The following SPAG9 variants were observed in gnomAD, a reference collection of about 807,000 sequenced individuals.
SPAG9 encodes C-Jun-amino-terminal kinase-interacting protein 4.
SPAG9 carries 35 observed loss-of-function variants against 166.5 expected under a neutral mutation model. The observed-to-expected ratio is 0.21, with a 90% CI of 0.16 to 0.28. The LOEUF (loss-of-function observed/expected upper bound fraction) is 0.28. Among genes scored for constraint, SPAG9 ranks in the 10% least tolerant of loss-of-function variants. The pLI is 1.00. For missense variants in SPAG9, 1,235 were observed against 1,603.3 expected, an observed-to-expected ratio of 0.77 and a Z score of 3.92; for synonymous variants, 534 against 565.5, an observed-to-expected ratio of 0.94 and a Z score of 0.79.
At chr17:50,981,074 G>A (rs927651913) in intron 25 of SPAG9, among the ~76,000 whole-genome samples, 4 of 152,096 alleles carry the variant, frequency 2.6e-5, no homozygotes, top group African/African-American at 7.2e-5. Context: ...TGTGTGTGAG[G>A]CACAGGCTGA....
intron 27 of SPAG9, 106 bp downstream of exon 27, chr17:50,977,002 T>C (rs1974253967): frequency 2.8e-6 from 2 of 705,158 alleles, no homozygotes. Context: ...AGCTAGATCT[T>C]TGCCATCACT....
At chr17:51,090,115 G>A (rs185821601) in intron 1 of SPAG9, among the ~76,000 whole-genome samples, 9 of 152,230 alleles carry the variant, frequency 5.9e-5, no homozygotes, top group Admixed American at 2.0e-4. Context: ...ATCATGGCAT[G>A]CCCAGGTAAC....
chr17:51,021,148 G>T lies in SPAG9; in HGVS notation c.991+10C>A. The stretch of plus-strand genomic sequence containing the variant: ...ACTTTCCTAGTAAGTAAAGAACTAG[G>T]GTCACTCACCAGTAGATACATTTCT... On this transcript the variant is annotated intron_variant, in intron 7 of 29. Transcript: ENST00000262013. The T allele has an allele frequency of 6.2e-7, 1 of 1,607,298 alleles. No homozygotes were observed. The highest frequency in any genetic ancestry group is 1.1e-5 in the South Asian group (1 of 90,902).
intron 2 of SPAG9, among the ~76,000 whole-genome samples, chr17:51,069,287 A>G (rs548977181): frequency 1.3e-5 from 2 of 152,078 alleles, no homozygotes; most frequent in Non-Finnish European, 2.9e-5. Context: ...GCCTATTGAC[A>G]TAGAACTAAA....
chr17:51,111,996 T>C (rs919368693), intron 1 of SPAG9, among the ~76,000 whole-genome samples: 15 of 152,004 alleles, frequency 9.9e-5, no homozygotes, highest in African/African-American at 3.4e-4. Context: ...TTCAGAAATC[T>C]CAAATTTAAA....
intron 9 of SPAG9, among the ~76,000 whole-genome samples, chr17:51,011,252 A>C (rs930050303): frequency 1.3e-5 from 2 of 151,818 alleles, no homozygotes; most frequent in African/African-American, 2.4e-5. Flanking sequence ...CCTTGAGCCT[A>C]GGAGTTCCAG....
chr17:51,064,796 G>A (rs919771807), intron 2 of SPAG9, among the ~76,000 whole-genome samples: 1 of 152,108 alleles, frequency 6.6e-6, no homozygotes, highest in African/African-American at 2.4e-5. Flanking sequence ...CTTGAAAATT[G>A]TACTAAAAAC....
intron 13 of SPAG9, among the ~76,000 whole-genome samples, chr17:51,000,387 T>C (rs1315959449): frequency 6.6e-6 from 1 of 152,196 alleles, no homozygotes; most frequent in Non-Finnish European, 1.5e-5. Flanking sequence ...AAGCTACTAT[T>C]TCCTTTAATT....
intron 2 of SPAG9, among the ~76,000 whole-genome samples, chr17:51,073,963 G>A (rs1331348707): frequency 6.6e-6 from 1 of 151,278 alleles, no homozygotes; most frequent in Non-Finnish European, 1.5e-5. Context: ...TAGGCCGGGC[G>A]TGGTGGCTCA....
chr17:51,085,959 A>ATTTTTTTTTTTTTTTT (rs34918673), intron 1 of SPAG9, among the ~76,000 whole-genome samples: 1 of 88,066 alleles, frequency 1.1e-5, no homozygotes, highest in African/African-American at 4.6e-5. Context: ...CTTGGAAATC[A>ATTTTTTTTTTTTTTTT]TTTTTTTTTT....
At chr17:51,095,022 G>A (rs956411770) in intron 1 of SPAG9, among the ~76,000 whole-genome samples, 3 of 152,148 alleles carry the variant, frequency 2.0e-5, no homozygotes, top group Middle Eastern at 3.4e-3. Flanking sequence ...CAGGCTGGGC[G>A]CGGTGGCTGA....
Position 51,022,943 on chromosome 17 carries a change from A to AAATAATAATAATAATAATAATAAT in SPAG9, c.784-1602_784-1579dup, listed in dbSNP as rs369538903. Among the ~76,000 whole-genome samples, 203 of 143,208 alleles carry AAATAATAATAATAATAATAATAAT rather than the reference A, an allele frequency of 1.4e-3. 2 individuals carry two copies. The highest frequency in any genetic ancestry group is 4.3e-3 in the African/African-American group (168 of 38,726). The allele number at this position is 143,208 out of a possible 152,430, so 94.0% of individuals were successfully genotyped here. On this transcript the variant is annotated intron_variant, in intron 6 of 29. Coordinates refer to ENST00000262013, the MANE Select transcript of SPAG9 (RefSeq NM_001130528.3). Reference sequence around the variant, plus strand: ...GCAACAAGAGTGAAACTCCATCTCAAAATAATAATAATAATAATAATAATA... The same window carrying AAATAATAATAATAATAATAATAAT: ...GCAACAAGAGTGAAACTCCATCTCAAAATAATAATAATAATAATAATAATAATAATAATAATAATAATAATAATA...
chr17:51,007,814 C>A (rs9902536), intron 9 of SPAG9: 10,475 of 452,832 alleles, frequency 0.023, 637 homozygotes, highest in African/African-American at 0.16. Context: ...AAAGATAGAA[C>A]CCCAAGGCAG....
rs1339737028 is a variant in SPAG9, at chr17:51,019,736, C to T, written c.1091+423G>A. Among the ~76,000 whole-genome samples the T allele has an allele frequency of 3.3e-5, 5 of 152,038 alleles. No homozygotes were observed. The East Asian group carries it at 9.6e-4, about 29-fold the overall frequency. On this transcript the variant is annotated intron_variant, in intron 8 of 29. Coordinates refer to ENST00000262013, the MANE Select transcript of SPAG9 (RefSeq NM_001130528.3). Reference sequence around the variant, plus strand: ...GCGTGGTGGCACATGTCTGTAATCCCAGCAACTAGGGAGGCTGAGGGAGGA... The same window carrying T: ...GCGTGGTGGCACATGTCTGTAATCCTAGCAACTAGGGAGGCTGAGGGAGGA...
intron 14 of SPAG9, 29 bp downstream of exon 14, chr17:50,999,632 G>A: frequency 1.9e-6 from 3 of 1,582,614 alleles, no homozygotes; most frequent in Non-Finnish European, 2.6e-6. Context: ...CTCATGTGCT[G>A]TCTAACATCT....
chr17:51,034,579 A>G (rs1289473302), intron 5 of SPAG9, among the ~76,000 whole-genome samples: 1 of 152,230 alleles, frequency 6.6e-6, no homozygotes, highest in Non-Finnish European at 1.5e-5. Context: ...AGCCCACAGA[A>G]TAATATATGT....
intron 26 of SPAG9, among the ~76,000 whole-genome samples, chr17:50,978,548 G>A (rs1318307393): frequency 6.6e-6 from 1 of 152,178 alleles, no homozygotes; most frequent in Admixed American, 6.5e-5. Context: ...CTTAGGGTCT[G>A]TAGGGGAGAG....
chr17:51,080,254 G>T (rs1480456337), intron 1 of SPAG9, among the ~76,000 whole-genome samples: 3 of 150,120 alleles, frequency 2.0e-5, no homozygotes, highest in East Asian at 3.9e-4. Flanking sequence ...CTTGATTGTT[G>T]TATCAGCAAC....
Position 51,053,852 on chromosome 17 carries a change from A to ATATAT in SPAG9, c.495+2559_495+2560insATATA, listed in dbSNP as rs1276804629. Among the ~76,000 whole-genome samples, 81 of 49,290 alleles carry ATATAT rather than the reference A, an allele frequency of 1.6e-3. 1 individual carries two copies. The highest frequency in any genetic ancestry group is 3.1e-3 in the Admixed American group (10 of 3,242). 32.3% of individuals were successfully genotyped at this position (49,290 alleles called of 152,430 possible). A position where few individuals can be genotyped will look rare whatever the true frequency, so the allele number is the denominator to read the frequency against. Reference sequence around the variant, plus strand: ...GACCCTAATTAAAAAAAAAAAAAAAAAAGTATATATATATATATATATATA... The same window carrying ATATAT: ...GACCCTAATTAAAAAAAAAAAAAAAATATATAAGTATATATATATATATATATATA... On this transcript the variant is annotated intron_variant, in intron 3 of 29. Transcript: ENST00000262013.
Sources: allele counts gnomAD v4.1 joint callset (sites outside exome capture counted in the v4.1 genomes callset), GRCh38; gene constraint gnomAD v4.1.1; transcripts MANE v1.5; gene names NCBI Gene and HGNC (gene_info 2026-07-23, HGNC 2026-07-21).